The following CSMD1 variants were observed in gnomAD, a reference collection of about 807,000 sequenced individuals.
CSMD1 encodes the protein CUB and Sushi multiple domains 1.
Under a neutral mutation model 417.5 loss-of-function variants are expected in CSMD1, and 213 were observed. The observed-to-expected ratio is 0.51, with a 90% CI of 0.46 to 0.57. The LOEUF is 0.57. Among genes scored for constraint, CSMD1 ranks in the 20% least tolerant of loss-of-function variants. The pLI is 0.00. For missense variants in CSMD1, 6,923 were observed against 4,529.7 expected (o/e 1.53, Z -15.17); for synonymous variants, 2,862 against 1,736.8 (o/e 1.65, Z -16.11).
intron 8 of CSMD1, among the ~76,000 whole-genome samples, chr8:3,614,971 C>A (rs1358716585): frequency 6.6e-6 from 1 of 152,194 alleles, no homozygotes; most frequent in Non-Finnish European, 1.5e-5. Flanking sequence ...TGACTGTTGA[C>A]ACAAGGAAGG....
intron 13 of CSMD1, among the ~76,000 whole-genome samples, chr8:3,408,828 C>T (rs1177395006): frequency 1.3e-5 from 2 of 151,924 alleles, no homozygotes; most frequent in Admixed American, 6.6e-5. Context: ...GAGGGAGAAA[C>T]TGTTGGATTT....
In CSMD1 at chr8:4,453,798, A is replaced by G. The variant is rs1799296483; in HGVS notation, c.303-33733T>C. Among the ~76,000 whole-genome samples the G allele has an allele frequency of 3.0e-5, 4 of 132,040 alleles. No homozygotes were observed. In the South Asian group the frequency reaches 1.0e-3, roughly 34 times the overall value. 86.6% of individuals were successfully genotyped at this position (132,040 alleles called of 152,430 possible). On this transcript the variant is annotated intron_variant, in intron 2 of 69. Transcript: ENST00000635120. ...GCTTTCACCCAGGTTCCCGAACAAG[A>G]TTGCGCAATTCGTTTCTTTTTTTTT...
intron 3 of CSMD1, among the ~76,000 whole-genome samples, chr8:4,412,097 G>A (rs1305281010): frequency 3.3e-5 from 5 of 151,832 alleles, no homozygotes; most frequent in East Asian, 1.9e-4. Flanking sequence ...AAGAGTGCGT[G>A]CGTGTGTGTG....
At chr8:4,786,869 T>G (rs10101808) in intron 1 of CSMD1, among the ~76,000 whole-genome samples, 2 of 152,104 alleles carry the variant, frequency 1.3e-5, no homozygotes, top group African/African-American at 4.8e-5. Flanking sequence ...AAAATAGTAA[T>G]TATTTAAGTG....
At chr8:4,601,055 C>G (rs1800553060) in intron 2 of CSMD1, among the ~76,000 whole-genome samples, 2 of 150,348 alleles carry the variant, frequency 1.3e-5, no homozygotes, top group African/African-American at 4.9e-5. Context: ...CTCCCAGGTT[C>G]AAGCGATTCT....
chr8:4,039,392 A>G (rs989587488), intron 3 of CSMD1, among the ~76,000 whole-genome samples: 3 of 152,234 alleles, frequency 2.0e-5, no homozygotes, highest in African/African-American at 7.2e-5. Flanking sequence ...GGGAAGGATT[A>G]GAAAAATCTG....
At chr8:4,309,211 T>A (rs1345406684) in intron 3 of CSMD1, among the ~76,000 whole-genome samples, 5 of 152,246 alleles carry the variant, frequency 3.3e-5, no homozygotes, top group African/African-American at 4.8e-5. Flanking sequence ...TAGGGTCAGT[T>A]TGATATTACC....
At chr8:3,041,935 T>C (rs564731719) in intron 50 of CSMD1, among the ~76,000 whole-genome samples, 130 of 152,296 alleles carry the variant, frequency 8.5e-4, no homozygotes, top group South Asian at 1.4e-3. Flanking sequence ...ACGGTCCTCT[T>C]GGTTTCAGAA....
intron 26 of CSMD1, among the ~76,000 whole-genome samples, chr8:3,235,887 G>A (rs4875391): frequency 0.15 from 22,950 of 149,264 alleles, 1,977 homozygotes; most frequent in East Asian, 0.23. Context: ...TAATTAGCTC[G>A]AGTTTATGCC....
chr8:3,266,769 T>C (rs1026469385), intron 26 of CSMD1, among the ~76,000 whole-genome samples: 11 of 134,544 alleles, frequency 8.2e-5, no homozygotes, highest in African/African-American at 3.2e-4. Context: ...AGTGAGACAC[T>C]GTCTTAAAAA....
At chr8:4,150,794 C>A (rs541655756) in intron 3 of CSMD1, among the ~76,000 whole-genome samples, 1 of 152,082 alleles carries the variant, frequency 6.6e-6, no homozygotes, top group Non-Finnish European at 1.5e-5. Context: ...GTGTAGTTTG[C>A]GCACTTGCAG....
At chr8:3,997,755 T>G (rs1815326429) in intron 5 of CSMD1, 148 bp downstream of exon 5, 1 of 691,680 alleles carries the variant, frequency 1.4e-6, no homozygotes, top group Non-Finnish European at 2.4e-6. Flanking sequence ...TAAAGGTAAC[T>G]TTTCCAGAGC....
chr8:4,866,430 TAAAAG>T (rs536978124), intron 1 of CSMD1, among the ~76,000 whole-genome samples: 14 of 152,048 alleles, frequency 9.2e-5, no homozygotes, highest in Non-Finnish European at 1.8e-4. Flanking sequence ...ATAATCTTGA[TAAAAG>T]AAGTTTGTTC....
At chr8:3,352,836 G>T (rs79008156) in intron 21 of CSMD1, among the ~76,000 whole-genome samples, 3,588 of 152,154 alleles carry the variant, frequency 0.024, 71 homozygotes, top group East Asian at 0.081. Flanking sequence ...AAGAAACTCT[G>T]TCTCAAAAAA....
intron 3 of CSMD1, among the ~76,000 whole-genome samples, chr8:4,409,471 TCTAC>T (rs1796525142): frequency 6.6e-6 from 1 of 152,136 alleles, no homozygotes; most frequent in Admixed American, 6.5e-5. Flanking sequence ...AGAATGCCTA[TCTAC>T]CTAAGTTGAT....
chr8:4,106,424 C>A (rs992110331), intron 3 of CSMD1, among the ~76,000 whole-genome samples: 1 of 152,146 alleles, frequency 6.6e-6, no homozygotes, highest in Non-Finnish European at 1.5e-5. Context: ...ATTTCCATAT[C>A]AAACTCTATA....
chr8:3,351,879 A>C (rs1410319599), intron 21 of CSMD1, among the ~76,000 whole-genome samples: 1 of 151,922 alleles, frequency 6.6e-6, no homozygotes, highest in African/African-American at 2.4e-5. Flanking sequence ...ACATAGAATC[A>C]CATTTTTAAA....
chr8:3,607,077 G>C (rs909239510), intron 8 of CSMD1, among the ~76,000 whole-genome samples: 37 of 152,264 alleles, frequency 2.4e-4, no homozygotes, highest in African/African-American at 8.9e-4. Flanking sequence ...CAAACACATA[G>C]TACAGCTGTA....
chr8:4,330,517 G>C (rs1053227984), intron 3 of CSMD1, among the ~76,000 whole-genome samples: 4 of 151,732 alleles, frequency 2.6e-5, no homozygotes, highest in Non-Finnish European at 1.5e-5. Flanking sequence ...TTGAACCGAG[G>C]AGGCAGAGGT....
Sources: allele counts gnomAD v4.1 joint callset (sites outside exome capture counted in the v4.1 genomes callset), GRCh38; gene constraint gnomAD v4.1.1; transcripts MANE v1.5; gene names NCBI Gene and HGNC (gene_info 2026-07-23, HGNC 2026-07-21).